Variants in SEMA6D observed in about 807,000 individuals in gnomAD.
The protein encoded by SEMA6D is semaphorin-6D.
SEMA6D carries 35 observed loss-of-function variants against 106.6 expected under a neutral mutation model. That is an observed-to-expected ratio of 0.33 (90% CI 0.25 to 0.44). The LOEUF (loss-of-function observed/expected upper bound fraction) is 0.44, where lower values mean the gene tolerates loss of function less well. SEMA6D is among the 20% of genes least tolerant of loss of function. The pLI is 1.00. For synonymous variants in SEMA6D, 499 were observed against 487.7 expected (o/e 1.02, Z -0.31); for missense variants, 1,185 against 1,345.9 (o/e 0.88, Z 1.87).
intron 4 of SEMA6D, among the ~76,000 whole-genome samples, chr15:47,634,165 T>C (rs1298709294): frequency 6.6e-6 from 1 of 152,106 alleles, no homozygotes; most frequent in African/African-American, 2.4e-5. Context: ...TAGATCGGTG[T>C]GTATGTTTAA....
chr15:47,333,810 T>C (rs2037441221), intron 1 of SEMA6D, among the ~76,000 whole-genome samples: 1 of 152,222 alleles, frequency 6.6e-6, no homozygotes, highest in Admixed American at 6.5e-5. Context: ...TTGATTTTCA[T>C]CCACAGTTCC....
At chr15:47,448,825 C>T (rs2042103068) in intron 2 of SEMA6D, among the ~76,000 whole-genome samples, 1 of 152,096 alleles carries the variant, frequency 6.6e-6, no homozygotes, top group Admixed American at 6.5e-5. Context: ...TGTTCTGGAA[C>T]AGCCCCTGCC....
At chr15:47,282,420 C>T (rs965755234) in intron 1 of SEMA6D, among the ~76,000 whole-genome samples, 1 of 152,078 alleles carries the variant, frequency 6.6e-6, no homozygotes, top group Non-Finnish European at 1.5e-5. Flanking sequence ...TAAATACTCA[C>T]AGTATCCTAT....
intron 4 of SEMA6D, among the ~76,000 whole-genome samples, chr15:47,693,526 G>A (rs1436713057): frequency 2.0e-5 from 3 of 152,116 alleles, no homozygotes; most frequent in Non-Finnish European, 4.4e-5. Context: ...TACTATCACT[G>A]TGACAGTCCC....
At chr15:47,598,701 G>A (rs2143292355) in intron 3 of SEMA6D, among the ~76,000 whole-genome samples, 1 of 152,222 alleles carries the variant, frequency 6.6e-6, no homozygotes, top group African/African-American at 2.4e-5. Context: ...AACAGTATAT[G>A]AGGGCCACAT....
At chr15:47,214,584 T>C (rs2141263485) in intron 1 of SEMA6D, among the ~76,000 whole-genome samples, 1 of 152,340 alleles carries the variant, frequency 6.6e-6, no homozygotes, top group South Asian at 2.1e-4. Flanking sequence ...CATCTGTTCT[T>C]GTCTGCTTCC....
Position 47,355,426 on chromosome 15 carries a change from A to G in SEMA6D, c.-238-56967A>G, listed in dbSNP as rs1173908734. ...TATAATGATGGTGCCTAAGAAAGAC[A>G]TTCAGAAATCAAAGATCAGAAGTGG... On this transcript the variant is annotated intron_variant, in intron 1 of 19. Coordinates refer to the SEMA6D transcript ENST00000558014. Among the ~76,000 whole-genome samples, 5 of 152,226 alleles carry G rather than the reference A, an allele frequency of 3.3e-5. No homozygotes were observed. In the East Asian group the frequency reaches 9.6e-4, roughly 29 times the overall value.
Position 47,766,126 on chromosome 15 carries a change from C to G in SEMA6D, c.1590C>G (p.Asp530Glu). Residue 530 changes from aspartate (D) to glutamate (E), a missense_variant, in exon 15 of 19, where the codon GAC becomes GAG. Coordinates refer to ENST00000536845, the MANE Select transcript of SEMA6D (RefSeq NM_001358351.3). ...SCKKSCIASR[D>E]PYCGWLSQGS... ...ACAGGTCTTGTATTGCATCTCGTGA[C>G]CCGTATTGTGGCTGGTTAAGCCAGG... 3.1e-6 allele frequency: 5 copies of G among 1,613,674 alleles called. No homozygotes were observed. The highest frequency in any genetic ancestry group is 4.2e-6 in the Non-Finnish European group (5 of 1,179,738).
rs916599915 is a variant in SEMA6D at position 47,349,117 on chromosome 15, T to A, written c.-238-63276T>A. 4.6e-5 allele frequency among the ~76,000 whole-genome samples: 7 copies of A among 152,136 alleles called. No individual in the cohort carries two copies. In the South Asian group the frequency reaches 6.2e-4, roughly 14 times the overall value. ...CAGACCTAGATGAGGCTTACCTTTT[T>A]TTTTTTTCTACACAGTATAAACACA... On this transcript the variant is annotated intron_variant, in intron 1 of 19. Coordinates refer to the SEMA6D transcript ENST00000558014.
chr15:47,420,589 A>G (rs1595952232), intron 2 of SEMA6D, among the ~76,000 whole-genome samples: 2 of 152,014 alleles, frequency 1.3e-5, no homozygotes, highest in African/African-American at 4.8e-5. Context: ...GGCCCTCTCC[A>G]TTGTTTGTCC....
intron 3 of SEMA6D, among the ~76,000 whole-genome samples, chr15:47,475,593 G>A (rs1472679436): frequency 6.6e-6 from 1 of 152,142 alleles, no homozygotes; most frequent in Admixed American, 6.6e-5. Flanking sequence ...AAGAGAGCTT[G>A]CAGTTCCGGA....
At chr15:47,218,354 C>T (rs1030947572) in intron 1 of SEMA6D, among the ~76,000 whole-genome samples, 1 of 152,236 alleles carries the variant, frequency 6.6e-6, no homozygotes, top group East Asian at 1.9e-4. Context: ...GGCTCTGCTT[C>T]TGGAACCCAG....
chr15:47,738,037 T>TAA (rs112044411), intron 1 of SEMA6D, among the ~76,000 whole-genome samples: 12 of 144,084 alleles, frequency 8.3e-5, no homozygotes, highest in African/African-American at 2.0e-4. Context: ...CTGATAAACT[T>TAA]AAAAAAAAAA....
At chr15:47,495,396 C>A (rs569646221) in intron 3 of SEMA6D, among the ~76,000 whole-genome samples, 1 of 152,054 alleles carries the variant, frequency 6.6e-6, no homozygotes, top group East Asian at 1.9e-4. Context: ...TGCCAAAGAA[C>A]TTACTTTTTA....
chr15:47,568,255 C>T lies in SEMA6D; in HGVS notation c.-86-32610C>T, dbSNP rs564395596. Among the ~76,000 whole-genome samples, 7 of 150,956 alleles carry T rather than the reference C, an allele frequency of 4.6e-5. 1 individual carries two copies. The highest frequency in any genetic ancestry group is 1.3e-4 in the Admixed American group (2 of 15,166). On this transcript the variant is annotated intron_variant, in intron 3 of 19. Transcript: ENST00000558014. ...TGCACCAATCTAATAACATTGTTTC[C>T]TCTATAGAAACTATTTCAGTTATGG...
chr15:47,720,336 A>G (rs543569057), intron 1 of SEMA6D, among the ~76,000 whole-genome samples: 47 of 132,598 alleles, frequency 3.5e-4, no homozygotes, highest in African/African-American at 1.4e-3. Flanking sequence ...TGACTTCTTC[A>G]TCACCAACAG....
chr15:47,187,853 C>T (rs949395237), intron 1 of SEMA6D, among the ~76,000 whole-genome samples: 2 of 151,982 alleles, frequency 1.3e-5, no homozygotes, highest in African/African-American at 2.4e-5. Flanking sequence ...TTTTATTAAA[C>T]CTGGAGTCAG....
intron 1 of SEMA6D, among the ~76,000 whole-genome samples, chr15:47,206,535 A>G (rs1895076453): frequency 6.6e-6 from 1 of 152,184 alleles, no homozygotes; most frequent in African/African-American, 2.4e-5. Flanking sequence ...CCAGCCTCAG[A>G]GCCCGTGAAG....
intron 2 of SEMA6D, among the ~76,000 whole-genome samples, chr15:47,469,326 A>T (rs980316512): frequency 4.2e-5 from 5 of 118,378 alleles, no homozygotes; most frequent in Non-Finnish European, 6.9e-5. Context: ...GTGTGTGTGT[A>T]TGTGCACGCA....
Sources: gnomAD v4.1 joint callset for allele counts (sites outside exome capture counted in the v4.1 genomes callset) on GRCh38, gnomAD v4.1.1 for gene constraint, MANE v1.5 for transcripts, NCBI Gene and HGNC (gene_info 2026-07-23, HGNC 2026-07-21) for gene names.